DMRT1: variants seen among roughly 807,000 people sequenced by gnomAD.
The protein encoded by DMRT1 is doublesex- and mab-3-related transcription factor 1.
A neutral mutation model predicts 32.3 loss-of-function variants in DMRT1; 7 were observed. The ratio of observed to expected loss-of-function variants is 0.22; its 90% confidence interval spans 0.12 to 0.41. The LOEUF is 0.41. Among genes scored for constraint, DMRT1 ranks in the 10% least tolerant of loss-of-function variants. DMRT1 has a pLI of 1.00. For synonymous variants in DMRT1, 278 were observed against 206.1 expected (o/e 1.35, Z -2.99); for missense variants, 625 against 500.5 (o/e 1.25, Z -2.37).
At chr9:942,522 C>G (rs1819110028) in intron 4 of DMRT1, among the ~76,000 whole-genome samples, 1 of 152,256 alleles carries the variant, frequency 6.6e-6, no homozygotes, top group Admixed American at 6.5e-5. Flanking sequence ...ATCTGCTTGC[C>G]TTGGCCTCCC....
intron 4 of DMRT1, among the ~76,000 whole-genome samples, chr9:950,241 T>C (rs1019136256): frequency 1.3e-5 from 2 of 152,124 alleles, no homozygotes; most frequent in African/African-American, 4.8e-5. Flanking sequence ...GCTGTCTTTT[T>C]GCAGCAAAAT....
chr9:953,638 C>T (rs1349125478), intron 4 of DMRT1, among the ~76,000 whole-genome samples: 2 of 152,212 alleles, frequency 1.3e-5, no homozygotes, highest in African/African-American at 2.4e-5. Flanking sequence ...GCTTAAGCTG[C>T]TTCTTAGTTT....
At chr9:947,444 T>G (rs1819282885) in intron 4 of DMRT1, among the ~76,000 whole-genome samples, 2 of 152,204 alleles carry the variant, frequency 1.3e-5, no homozygotes, top group South Asian at 4.1e-4. Flanking sequence ...ATTTCTTGCT[T>G]CAGAAGTAAT....
chr9:911,527 C>T (rs1817987790), intron 3 of DMRT1, among the ~76,000 whole-genome samples: 1 of 118,806 alleles, frequency 8.4e-6, no homozygotes, highest in African/African-American at 3.2e-5. Flanking sequence ...GAGTCGCACT[C>T]TGTCGCCCAG....
At chr9:878,114 G>A (rs1816578535) in intron 2 of DMRT1, among the ~76,000 whole-genome samples, 1 of 151,374 alleles carries the variant, frequency 6.6e-6, no homozygotes, top group Admixed American at 6.6e-5. Context: ...AAAATACACA[G>A]CCCCACAGCC....
chr9:850,339 A>AG (rs1424115687), intron 2 of DMRT1, among the ~76,000 whole-genome samples: 1 of 152,250 alleles, frequency 6.6e-6, no homozygotes, highest in Non-Finnish European at 1.5e-5. Context: ...AGCCAAAAAA[A>AG]CAAACACACT....
At chr9:908,879 G>C (rs1252429792) in intron 3 of DMRT1, among the ~76,000 whole-genome samples, 2 of 152,046 alleles carry the variant, frequency 1.3e-5, no homozygotes, top group African/African-American at 2.4e-5. Flanking sequence ...CTTTCGTTTG[G>C]AAAAAGGACT....
chr9:934,078 C>T (rs185155817), intron 4 of DMRT1, among the ~76,000 whole-genome samples: 1 of 151,988 alleles, frequency 6.6e-6, no homozygotes. Context: ...TGGTTGATCT[C>T]AGTCCAAGAA....
intron 3 of DMRT1, among the ~76,000 whole-genome samples, chr9:915,760 T>G (rs987659247): frequency 6.6e-6 from 1 of 151,900 alleles, no homozygotes; most frequent in African/African-American, 2.4e-5. Flanking sequence ...TTAGACAGAG[T>G]CTCGCTCTGT....
rs116768269 is a variant in DMRT1, at chr9:931,600, A to C, written c.967+14693A>C. On this transcript the variant is annotated intron_variant, in intron 4 of 4. Transcript: ENST00000382276. The stretch of plus-strand genomic sequence containing the variant: ...GGTGCTGTCAGAGTTGCTTTCCGGT[A>C]AGGCTTCTCTCCTGGGTTGTAGACT... Among the ~76,000 whole-genome samples, 774 of 152,286 alleles carry C rather than the reference A, an allele frequency of 5.1e-3. 7 individuals carry two copies. Among genetic ancestry groups the C allele is most frequent in the African/African-American group, 0.018 (741 of 41,542 alleles).
intron 3 of DMRT1, among the ~76,000 whole-genome samples, chr9:913,597 AT>A (rs113724447): frequency 0.19 from 27,999 of 146,304 alleles, 3,823 homozygotes; most frequent in African/African-American, 0.4. Context: ...GCAACTGGTA[AT>A]TTTTTTTTTT....
At chr9:928,672 G>A (rs1450043706) in intron 4 of DMRT1, among the ~76,000 whole-genome samples, 1 of 152,108 alleles carries the variant, frequency 6.6e-6, no homozygotes, top group African/African-American at 2.4e-5. Flanking sequence ...ACCAGGGTGG[G>A]TCGGCCCAAC....
At chr9:892,175 C>A (rs1817177298) in intron 2 of DMRT1, among the ~76,000 whole-genome samples, 1 of 152,218 alleles carries the variant, frequency 6.6e-6, no homozygotes, top group Admixed American at 6.5e-5. Context: ...GATGTCCCAG[C>A]AGCAGTTGAC....
At chr9:892,509 C>A (rs1479841216) in intron 2 of DMRT1, among the ~76,000 whole-genome samples, 1 of 152,156 alleles carries the variant, frequency 6.6e-6, no homozygotes, top group Non-Finnish European at 1.5e-5. Flanking sequence ...CCCTCCAGTT[C>A]TGTTGCGTTT....
At chr9:908,827 G>T (rs1325429736) in intron 3 of DMRT1, among the ~76,000 whole-genome samples, 3 of 151,924 alleles carry the variant, frequency 2.0e-5, no homozygotes, top group Non-Finnish European at 4.4e-5. Context: ...CTCCTCCCCC[G>T]TTTTCCCCTC....
intron 4 of DMRT1, among the ~76,000 whole-genome samples, chr9:962,871 C>G (rs949859099): frequency 9.9e-5 from 15 of 152,092 alleles, no homozygotes; most frequent in African/African-American, 3.4e-4. Context: ...TACAGTAGGA[C>G]CAGACTGTGA....
chr9:934,711 A>G (rs551607702), intron 4 of DMRT1, among the ~76,000 whole-genome samples: 5 of 152,270 alleles, frequency 3.3e-5, no homozygotes, highest in African/African-American at 1.2e-4. Context: ...TTGCATGTGA[A>G]TATCCAGTTT....
At chr9:855,708 C>T (rs780048458) in intron 2 of DMRT1, among the ~76,000 whole-genome samples, 1 of 152,232 alleles carries the variant, frequency 6.6e-6, no homozygotes, top group Non-Finnish European at 1.5e-5. Flanking sequence ...CTGCCTTGAC[C>T]TCCTGGGCTC....
chr9:909,695 G>C (rs1885780), intron 3 of DMRT1, among the ~76,000 whole-genome samples: 135,309 of 152,076 alleles, frequency 0.89, 60,239 homozygotes, highest in South Asian at 0.95. Flanking sequence ...AGCCACATAT[G>C]AATACCAAGG....
Sources: allele counts gnomAD v4.1 joint callset (sites outside exome capture counted in the v4.1 genomes callset), GRCh38; gene constraint gnomAD v4.1.1; transcripts MANE v1.5; gene names NCBI Gene and HGNC (gene_info 2026-07-23, HGNC 2026-07-21).